Variants in RBM43 observed in about 807,000 individuals in gnomAD.
RBM43 encodes RNA-binding protein 43.
A neutral mutation model predicts 12.4 loss-of-function variants in RBM43; 12 were observed. That is an observed-to-expected ratio of 0.97 (90% CI 0.62 to 1.57). RBM43 has a LOEUF of 1.57. RBM43 is among the 40% of genes most tolerant of loss of function. RBM43 has a pLI of 0.00. For synonymous variants in RBM43, 138 were observed against 145.7 expected (o/e 0.95, Z 0.38); for missense variants, 348 against 400.1 (o/e 0.87, Z 1.11).
chr2:151,255,882 AGGG>A, intron 1 of RBM43, 139 bp from the exon 2 acceptor site: 4 of 636,712 alleles, frequency 6.3e-6, no homozygotes, highest in Non-Finnish European at 1.1e-5. Flanking sequence ...AAAGGGGTGT[AGGG>A]GAGTAAATCC....
Position 151,251,370 on chromosome 2 carries a change from C to T in RBM43, c.610G>A (p.Ala204Thr). Reference sequence around the variant, plus strand: ...TCAGGTACTAAGGTCCTGACTGATGCCAAAGAGTTATTACTTCTCTGTAGA... The same window carrying T: ...TCAGGTACTAAGGTCCTGACTGATGTCAAAGAGTTATTACTTCTCTGTAGA... ...RNLQRSNNSLASVRTLVPETA... is the reference protein window; with the variant it reads ...RNLQRSNNSLTSVRTLVPETA... Residue 204 changes from alanine to threonine, a missense_variant, in exon 4 of 4, where the codon GCA (alanine) becomes ACA (threonine). By Grantham distance (58) the Ala-to-Thr change is moderately conservative (BLOSUM62 0). Transcript: ENST00000331426. 6.2e-7 allele frequency: 1 copy of T among 1,614,124 alleles called. No homozygotes were observed. Among genetic ancestry groups the T allele is most frequent in the Non-Finnish European group, 8.5e-7 (1 of 1,179,968 alleles).
chr2:151,261,308 A>T, intron 1 of RBM43: 4 of 1,550,644 alleles, frequency 2.6e-6, no homozygotes, highest in South Asian at 1.2e-5. Flanking sequence ...ATTTCTGGCT[A>T]ATCAGGCCAC....
intron 2 of RBM43, among the ~76,000 whole-genome samples, chr2:151,253,517 C>T (rs1682932409): frequency 6.6e-6 from 1 of 152,162 alleles, no homozygotes; most frequent in African/African-American, 2.4e-5. Flanking sequence ...TTCTCCACCA[C>T]AGAAAATGAT....
At position 151,259,953 on chromosome 2, in the gene RBM43, C is replaced by A. The variant is rs1484573427; in HGVS notation, c.3+1772G>T. ...CGATCTTGGCTCACTGCAACCTCCACCTCCCGGGTTCAAGCGATTCTCCTG... is the reference window on the plus strand; with the variant it reads ...CGATCTTGGCTCACTGCAACCTCCAACTCCCGGGTTCAAGCGATTCTCCTG... On this transcript the variant is annotated intron_variant, in intron 1 of 3. Transcript: ENST00000331426. 9.2e-5 allele frequency among the ~76,000 whole-genome samples: 14 copies of A among 152,038 alleles called. No individual in the cohort carries two copies. In the East Asian group the frequency reaches 2.4e-3, roughly 26 times the overall value.
intron 2 of RBM43, among the ~76,000 whole-genome samples, chr2:151,254,955 A>G (rs1310850297): frequency 6.6e-6 from 1 of 152,214 alleles, no homozygotes; most frequent in African/African-American, 2.4e-5. Flanking sequence ...GTTTTCTACA[A>G]TAAAATGTAA....
chr2:151,250,762 G>A lies in RBM43; in HGVS notation c.*144C>T. 2 of 603,218 alleles carry A rather than the reference G, an allele frequency of 3.3e-6. No homozygotes were observed. Among genetic ancestry groups the A allele is most frequent in the East Asian group, 2.7e-5 (1 of 36,770 alleles). The allele number at this position is 603,218 out of a possible 1,614,324, so 37.4% of individuals were successfully genotyped here. The stretch of plus-strand genomic sequence containing the variant: ...TCTCCAAATCCTAGTTTCTTCCGCT[G>A]TAACATGAGGATAGTCAACACTGAC... On this transcript the variant is annotated 3_prime_UTR_variant, in exon 4 of 4. Transcript: ENST00000331426.
rs1682902774 is a variant in RBM43, at chr2:151,251,478, C to T, written c.502G>A (p.Ala168Thr). The T allele has an allele frequency of 1.9e-6, 3 of 1,614,136 alleles. No individual in the cohort carries two copies. The East Asian group carries it at 6.7e-5, about 36-fold the overall frequency. Residue 168 changes from alanine (A) to threonine (T), a missense_variant, in exon 4 of 4, where the codon GCA becomes ACA. By Grantham distance (58) the Ala-to-Thr change is moderately conservative. Transcript: ENST00000331426. ...AVKRLRESLL[A>T]RACSLLEKDR... ...TTTTCTAAGAGAGAACATGCTCTTGCTAGCAAAGATTCTCTGAGCCTCTTG... is the reference window on the plus strand; with the variant it reads ...TTTTCTAAGAGAGAACATGCTCTTGTTAGCAAAGATTCTCTGAGCCTCTTG...
intron 1 of RBM43, among the ~76,000 whole-genome samples, chr2:151,257,645 A>G (rs1682992451): frequency 6.6e-6 from 1 of 151,876 alleles, no homozygotes; most frequent in Non-Finnish European, 1.5e-5. Flanking sequence ...GTGAGCCGAG[A>G]TCGCCCCATT....
At position 151,250,721 on chromosome 2, in the gene RBM43, GA is replaced by G; in HGVS notation, c.*184del. ...ATTCTTTGTCAACTGGATAACTTCAGAAAAGTGTTTTAACTTCTCCAAATCC... is the reference window on the plus strand; with the variant it reads ...ATTCTTTGTCAACTGGATAACTTCAGAAAGTGTTTTAACTTCTCCAAATCC... On this transcript the variant is annotated 3_prime_UTR_variant, in exon 4 of 4. Transcript: ENST00000331426. The G allele has an allele frequency of 2.0e-6, 1 of 497,150 alleles. No individual in the cohort carries two copies. The highest frequency in any genetic ancestry group is 3.1e-5 in the East Asian group (1 of 32,638). 30.8% of individuals were successfully genotyped at this position (497,150 alleles called of 1,614,324 possible). A position where few individuals can be genotyped will look rare whatever the true frequency, so the allele number is the denominator to read the frequency against.
At chr2:151,256,787 C>T (rs2105192208) in intron 1 of RBM43, among the ~76,000 whole-genome samples, 1 of 152,258 alleles carries the variant, frequency 6.6e-6, no homozygotes, top group Admixed American at 6.5e-5. Context: ...CCACTGCACT[C>T]CAGCCTGGGA....
intron 2 of RBM43, among the ~76,000 whole-genome samples, chr2:151,255,072 C>G (rs1682954034): frequency 6.6e-6 from 1 of 152,186 alleles, no homozygotes; most frequent in African/African-American, 2.4e-5. Context: ...TCTTTTCTTC[C>G]TAAAGCAATA....
chr2:151,258,339 G>C (rs570794712), intron 1 of RBM43, among the ~76,000 whole-genome samples: 1 of 150,924 alleles, frequency 6.6e-6, no homozygotes, highest in Non-Finnish European at 1.5e-5. Context: ...AATGAAGGCA[G>C]CTGGGCCAAA....
chr2:151,254,287 A>ATCTC lies in RBM43; in HGVS notation c.214+1242_214+1245dup, dbSNP rs71000460. Among the ~76,000 whole-genome samples, 141 of 149,464 alleles carry ATCTC rather than the reference A, an allele frequency of 9.4e-4. No individual in the cohort carries two copies. The South Asian group carries it at 0.012, about 13-fold the overall frequency. On this transcript the variant is annotated intron_variant, in intron 2 of 3. Transcript: ENST00000331426. ...ATTTATGAATGAATGACCGAGGCCA[A>ATCTC]TCTCTCTCTCTCTCTCTCTTTCTCT...
chr2:151,251,461 G>A lies in RBM43; in HGVS notation c.519C>T (p.Leu173=), dbSNP rs776204122. 1.7e-5 allele frequency: 27 copies of A among 1,613,994 alleles called. No homozygotes were observed. The highest frequency in any genetic ancestry group is 2.0e-5 in the Non-Finnish European group (24 of 1,180,004). The part of the protein sequence containing the change: ...RESLLARACS[L]LEKDRNFTSE... ...TGGTAAAATTTCTGTCTTTTTCTAA[G>A]AGAGAACATGCTCTTGCTAGCAAAG... The change falls in exon 4 of 4, where the codon CTC becomes CTT. Residue 173 remains leucine, a synonymous_variant. Coordinates refer to ENST00000331426, the MANE Select transcript of RBM43 (RefSeq NM_198557.3).
chr2:151,255,609 C>G lies in RBM43; in HGVS notation c.138G>C (p.Glu46Asp). ...ATATCACATCTTCAACATCTCCGCC[C>G]TCATTCTTAATGTCTTGGAAGTGGC... is the stretch of plus-strand genomic sequence containing the variant. ...VKSHFQDIKN[E>D]GGDVEDVIYP... The change falls in exon 2 of 4, where the codon GAG becomes GAC. Residue 46 changes from glutamate (E) to aspartate (D), a missense_variant. By Grantham distance (45) the Glu-to-Asp change is conservative. Transcript: ENST00000331426. The G allele has an allele frequency of 6.2e-7, 1 of 1,613,942 alleles. No individual in the cohort carries two copies. The highest frequency in any genetic ancestry group is 8.5e-7 in the Non-Finnish European group (1 of 1,179,898).
At chr2:151,261,472 C>T (rs1558871129) in intron 1 of RBM43, 1 of 1,550,484 alleles carries the variant, frequency 6.4e-7, no homozygotes, top group Non-Finnish European at 8.7e-7. Flanking sequence ...TATACTGCAC[C>T]GCCGTACGTG....
chr2:151,259,555 C>A (rs1394284115), intron 1 of RBM43, among the ~76,000 whole-genome samples: 2 of 151,956 alleles, frequency 1.3e-5, no homozygotes, highest in African/African-American at 4.8e-5. Context: ...ACCAGAATGG[C>A]TGGAACACAG....
At chr2:151,255,783 A>G (rs1300412612) in intron 1 of RBM43, 40 bp from the exon 2 acceptor site, 2 of 1,345,398 alleles carry the variant, frequency 1.5e-6, no homozygotes, top group African/African-American at 2.9e-5. Flanking sequence ...AAAACACAAG[A>G]CTCTATATAA....
At chr2:151,253,357 G>A (rs1370575879) in intron 2 of RBM43, among the ~76,000 whole-genome samples, 1 of 152,054 alleles carries the variant, frequency 6.6e-6, no homozygotes, top group African/African-American at 2.4e-5. Flanking sequence ...ACATCTCTAC[G>A]TGAATCGCTT....
Sources: allele counts gnomAD v4.1 joint callset (sites outside exome capture counted in the v4.1 genomes callset), GRCh38; gene constraint gnomAD v4.1.1; transcripts MANE v1.5; gene names NCBI Gene and HGNC (gene_info 2026-07-23, HGNC 2026-07-21).